Variants in RRP1B observed in about 807,000 individuals in gnomAD.
RRP1B encodes the protein ribosomal RNA processing 1B, also known as ribosomal RNA processing protein 1 homolog B.
In RRP1B, 56 loss-of-function variants were observed where a neutral mutation model predicts 80.2. The ratio of observed to expected loss-of-function variants is 0.70; its 90% confidence interval spans 0.56 to 0.87. The LOEUF (loss-of-function observed/expected upper bound fraction) is 0.87, where lower values mean the gene tolerates loss of function less well. Ranked by LOEUF, RRP1B falls within the 40% of genes least tolerant of loss-of-function variation. RRP1B has a pLI of 0.00. For synonymous variants in RRP1B, 351 were observed against 357.6 expected (o/e 0.98, Z 0.21); for missense variants, 807 against 939.8 (o/e 0.86, Z 1.85).
rs760205024 is a variant in RRP1B, at chr21:43,687,896, CAG to C, written c.1523_1524del (p.Gln508ArgfsTer3). 1 of 1,613,252 alleles carries C rather than the reference CAG, an allele frequency of 6.2e-7. No homozygotes were observed. Among genetic ancestry groups the C allele is most frequent in the Admixed American group, 1.7e-5 (1 of 60,032 alleles). On this transcript the variant is annotated frameshift_variant, in exon 13 of 16. Transcript: ENST00000340648. LOFTEE classifies it high-confidence loss of function. ...SQSGPSGSHP[Q>X]GPRGSPTGGA... ...GAGTGGCCCGAGTGGCAGTCATCCT[CAG>C]GGACCTAGAGGGTCCCCGACAGGTG...
intron 1 of RRP1B, among the ~76,000 whole-genome samples, chr21:43,660,724 A>G (rs773625342): frequency 2.6e-5 from 4 of 152,174 alleles, no homozygotes; most frequent in Non-Finnish European, 4.4e-5. Flanking sequence ...AGAGGCAGGA[A>G]AGAGCTTCAC....
intron 7 of RRP1B, 58 bp from the exon 8 acceptor site, chr21:43,676,675 C>A: frequency 6.7e-7 from 1 of 1,503,248 alleles, no homozygotes; most frequent in South Asian, 1.2e-5. Flanking sequence ...GCCCCTGAAG[C>A]CAGAAGGCCA....
chr21:43,690,871 T>C (rs1251843323), intron 14 of RRP1B, among the ~76,000 whole-genome samples: 1 of 152,164 alleles, frequency 6.6e-6, no homozygotes, highest in African/African-American at 2.4e-5. Flanking sequence ...GATAGTTGAT[T>C]GTGGTGAACT....
chr21:43,687,373 C>T, intron 12 of RRP1B, 143 bp from the exon 13 acceptor site: 16 of 915,122 alleles, frequency 1.7e-5, no homozygotes, highest in South Asian at 2.6e-5. Flanking sequence ...GTGGGCGCAC[C>T]AAGTACCTCA....
rs759780239 is a variant in RRP1B at position 43,688,003 on chromosome 21, T to C, written c.1629T>C (p.Pro543=). ...GTGGCCTGTCCACGCCGGCCTGGCC[T>C]CCATTGCAGCAGGAAGGCCCTCCCA... ...NGSGLSTPAW[P]PLQQEGPPTG... Residue 543 remains proline, a synonymous_variant, in exon 13 of 16, where the codon CCT becomes CCC. Coordinates refer to ENST00000340648, the MANE Select transcript of RRP1B (RefSeq NM_015056.3). The C allele has an allele frequency of 1.9e-6, 3 of 1,612,500 alleles. No individual in the cohort carries two copies. The highest frequency in any genetic ancestry group is 3.3e-5 in the Admixed American group (2 of 60,016).
At chr21:43,666,328 A>G (rs1272295644) in intron 1 of RRP1B, among the ~76,000 whole-genome samples, 2 of 152,216 alleles carry the variant, frequency 1.3e-5, no homozygotes, top group South Asian at 2.1e-4. Context: ...GAATGGAGAC[A>G]ATCTTTGGGG....
At chr21:43,690,159 C>T (rs576690593) in intron 13 of RRP1B, 129 bp from the exon 14 acceptor site, 16 of 1,007,772 alleles carry the variant, frequency 1.6e-5, no homozygotes, top group Admixed American at 2.6e-5. Context: ...AAGTGCGGTG[C>T]GGAAGACCGC....
In RRP1B at chr21:43,695,226, ATTTCAGC is replaced by A. The variant is rs2083102946; in HGVS notation, c.*1847_*1853del. 1 of 150,660 alleles carries A rather than the reference ATTTCAGC, an allele frequency of 6.6e-6. No individual in the cohort carries two copies. Among genetic ancestry groups the A allele is most frequent in the Non-Finnish European group, 1.5e-5 (1 of 67,640 alleles). The allele number at this position is 150,660 out of a possible 1,614,324, so 9.3% of individuals were successfully genotyped here. On this transcript the variant is annotated 3_prime_UTR_variant, in exon 16 of 16. Transcript: ENST00000340648. ...CTAGAATATTTTTCTAACAATTTTT[ATTTCAGC>A]TTTAAAGATGGGTCATATAGCCAAA... is the stretch of plus-strand genomic sequence containing the variant.
intron 7 of RRP1B, 57 bp downstream of exon 7, chr21:43,676,393 C>G: frequency 7.3e-7 from 1 of 1,364,854 alleles, no homozygotes; most frequent in East Asian, 2.3e-5. Context: ...ATGGGAGTTA[C>G]TTGCCGTCGT....
chr21:43,684,647 A>C lies in RRP1B; in HGVS notation c.986A>C (p.Lys329Thr). ...FNRKRLSKLI[K>T]KFQDLSEGSS... The stretch of plus-strand genomic sequence containing the variant: ...AGGAAGCGCCTCTCCAAACTCATCA[A>C]GAAGTCAGTAACTGGGGAGAGGGTT... The change falls in exon 10 of 16, where the codon AAG becomes ACG. Residue 329 changes from lysine to threonine, a missense_variant. Transcript: ENST00000340648. 6.2e-7 allele frequency: 1 copy of C among 1,613,390 alleles called. No individual in the cohort carries two copies. The highest frequency in any genetic ancestry group is 8.5e-7 in the Non-Finnish European group (1 of 1,179,304).
rs1860244270 is a variant in RRP1B at position 43,690,317 on chromosome 21, G to A, written c.1896G>A (p.Lys632=). 6.2e-7 allele frequency: 1 copy of A among 1,614,118 alleles called. No individual in the cohort carries two copies. The highest frequency in any genetic ancestry group is 1.3e-5 in the African/African-American group (1 of 74,946). ...GCAGTGGGACTTGCAGTTCCCTGAA[G>A]AAGCAGAAGCTGAGGGCAGAGAGCG... ...LGSSGTCSSL[K]KQKLRAESDF... is the part of the protein sequence containing the mutation. Residue 632 remains lysine, a synonymous_variant, in exon 14 of 16, where the codon AAG becomes AAA. Coordinates refer to ENST00000340648, the MANE Select transcript of RRP1B (RefSeq NM_015056.3).
chr21:43,688,757 C>T (rs938137309), intron 13 of RRP1B, among the ~76,000 whole-genome samples: 5 of 152,202 alleles, frequency 3.3e-5, no homozygotes, highest in African/African-American at 4.8e-5. Context: ...GACTTTCCTT[C>T]CACTTTGATT....
At position 43,688,122 on chromosome 21, in the gene RRP1B, G is replaced by C; in HGVS notation, c.1748G>C (p.Cys583Ser). 6.3e-7 allele frequency: 1 copy of C among 1,596,734 alleles called. No individual in the cohort carries two copies. The highest frequency in any genetic ancestry group is 8.5e-7 in the Non-Finnish European group (1 of 1,171,944). Residue 583 changes from cysteine to serine, a missense_variant, in exon 13 of 16, where the codon TGT becomes TCT. By Grantham distance (112) the Cys-to-Ser change is moderately radical (BLOSUM62 -1). Coordinates refer to ENST00000340648, the MANE Select transcript of RRP1B (RefSeq NM_015056.3). ...GCAGGGCCCGGCAGCCTGGAGCTCT[G>C]TGGCCTGCCCAGCCAGAAAACAGCA... ...KKAGPGSLEL[C>S]GLPSQKTASL...
intron 15 of RRP1B, among the ~76,000 whole-genome samples, chr21:43,692,576 G>A (rs1230561347): frequency 6.6e-6 from 1 of 151,452 alleles, no homozygotes; most frequent in Non-Finnish European, 1.5e-5. Flanking sequence ...TCCAGCCTGG[G>A]TGACAGGCTG....
intron 8 of RRP1B, among the ~76,000 whole-genome samples, chr21:43,683,033 C>T (rs1230681868): frequency 6.6e-6 from 1 of 152,114 alleles, no homozygotes; most frequent in African/African-American, 2.4e-5. Context: ...CAACCACGCC[C>T]AGCTAATTTT....
intron 2 of RRP1B, among the ~76,000 whole-genome samples, chr21:43,671,367 CT>C (rs1021875194): frequency 1.8e-3 from 237 of 128,776 alleles, no homozygotes; most frequent in Non-Finnish European, 1.6e-3. Flanking sequence ...ATGAAGTTTT[CT>C]TTTTTTTTTT....
rs1259109077 is a variant in RRP1B at position 43,691,727 on chromosome 21, C to T, written c.2083+225C>T. Among the ~76,000 whole-genome samples, 1 of 151,910 alleles carries T rather than the reference C, an allele frequency of 6.6e-6. No homozygotes were observed. Among genetic ancestry groups the T allele is most frequent in the Non-Finnish European group, 1.5e-5 (1 of 67,960 alleles). On this transcript the variant is annotated intron_variant, in intron 15 of 15. Transcript: ENST00000340648. The surrounding 1 kb of genome is among the most constrained non-coding windows in gnomAD (Gnocchi z 4.2). ...GATCTTGGCTCACTGCAACCTCCGC[C>T]CCCCCAGGTTCAAGCGATTCTCCTG...
chr21:43,683,242 T>TA (rs1403232545), intron 8 of RRP1B, 37 bp from the exon 9 acceptor site: 15 of 1,506,294 alleles, frequency 1.0e-5, no homozygotes, highest in Middle Eastern at 3.4e-4. Flanking sequence ...GTGTATTTGA[T>TA]ATGTCAATAA....
chr21:43,668,868 A>T (rs192101182), intron 1 of RRP1B, among the ~76,000 whole-genome samples: 40 of 152,332 alleles, frequency 2.6e-4, no homozygotes, highest in African/African-American at 6.0e-4. Context: ...TCATGTATCC[A>T]TAGGCTCGGA....
Sources: gnomAD v4.1 joint callset for allele counts (sites outside exome capture counted in the v4.1 genomes callset) on GRCh38, gnomAD v4.1.1 for gene constraint, Gnocchi (gnomAD v3.1) non-coding constraint, MANE v1.5 for transcripts, NCBI Gene and HGNC (gene_info 2026-07-23, HGNC 2026-07-21) for gene names.